The following ATXN1 variants were observed in gnomAD, a reference collection of about 807,000 sequenced individuals.
ATXN1 encodes the protein ataxin-1.
Under a neutral mutation model 56.4 loss-of-function variants are expected in ATXN1, and 8 were observed. The ratio of observed to expected loss-of-function variants is 0.14; its 90% CI spans 0.08 to 0.26. The LOEUF is 0.26. ATXN1 is among the 10% of genes least tolerant of loss of function. The pLI is 1.00. For missense variants in ATXN1, 987 were observed against 1,106.5 expected (o/e 0.89, Z 1.53); for synonymous variants, 514 against 494.6 (o/e 1.04, Z -0.52).
intron 6 of ATXN1, among the ~76,000 whole-genome samples, chr6:16,421,340 AG>A (rs1759027683): frequency 6.9e-6 from 1 of 145,268 alleles, no homozygotes; most frequent in Non-Finnish European, 1.5e-5. Context: ...GAAAGGACAC[AG>A]GAAAAAAAAA....
intron 4 of ATXN1, among the ~76,000 whole-genome samples, chr6:16,540,936 A>C (rs374237741): frequency 1.6e-4 from 25 of 152,298 alleles, no homozygotes; most frequent in African/African-American, 5.1e-4. Context: ...ATATGACTAA[A>C]CTTGTTTTGA....
chr6:16,655,486 A>C (rs1758179285), intron 3 of ATXN1, among the ~76,000 whole-genome samples: 1 of 147,674 alleles, frequency 6.8e-6, no homozygotes, highest in Non-Finnish European at 1.5e-5. Context: ...CTAACAGAAC[A>C]ACACATAGCA....
chr6:16,541,678 C>T (rs1257569499), intron 4 of ATXN1, among the ~76,000 whole-genome samples: 1 of 152,190 alleles, frequency 6.6e-6, no homozygotes, highest in African/African-American at 2.4e-5. Flanking sequence ...CACAGTGCCG[C>T]ACTTGGACCT....
chr6:16,451,279 C>T (rs1311431168), intron 6 of ATXN1, among the ~76,000 whole-genome samples: 1 of 152,196 alleles, frequency 6.6e-6, no homozygotes, highest in African/African-American at 2.4e-5. Flanking sequence ...ACAAGCCTGG[C>T]CAACACAGTG....
intron 2 of ATXN1, among the ~76,000 whole-genome samples, chr6:16,665,658 A>G (rs1758409011): frequency 6.6e-6 from 1 of 152,102 alleles, no homozygotes; most frequent in Non-Finnish European, 1.5e-5. Flanking sequence ...TCTGGCCTCA[A>G]TTTCCATAAT....
intron 2 of ATXN1, among the ~76,000 whole-genome samples, chr6:16,675,668 G>T (rs1397987299): frequency 6.6e-6 from 1 of 151,958 alleles, no homozygotes; most frequent in Non-Finnish European, 1.5e-5. Flanking sequence ...ATCATTTGAG[G>T]TCAGGAGTTC....
chr6:16,418,146 G>T (rs773342360), intron 6 of ATXN1, among the ~76,000 whole-genome samples: 2 of 152,162 alleles, frequency 1.3e-5, no homozygotes, highest in South Asian at 4.1e-4. Context: ...CACATAATAG[G>T]TGCTTAAAAT....
intron 6 of ATXN1, among the ~76,000 whole-genome samples, chr6:16,359,080 C>T (rs531221022): frequency 6.6e-6 from 1 of 152,340 alleles, no homozygotes; most frequent in East Asian, 1.9e-4. Context: ...GTGTCTGCGC[C>T]CACTGCCTGG....
chr6:16,317,230 A>G (rs1760533088), intron 7 of ATXN1, among the ~76,000 whole-genome samples: 1 of 152,198 alleles, frequency 6.6e-6, no homozygotes, highest in African/African-American at 2.4e-5. Context: ...AACGCCAGAC[A>G]GCTCAATATA....
chr6:16,474,290 A>G (rs1329182955), intron 6 of ATXN1, among the ~76,000 whole-genome samples: 1 of 152,252 alleles, frequency 6.6e-6, no homozygotes, highest in African/African-American at 2.4e-5. Flanking sequence ...GAGCTTGAAA[A>G]GCACTCATGC....
At chr6:16,668,182 GT>G (rs1456842454) in intron 2 of ATXN1, among the ~76,000 whole-genome samples, 39 of 152,028 alleles carry the variant, frequency 2.6e-4, no homozygotes, top group Admixed American at 2.0e-3. Context: ...TGTTTTTTTT[GT>G]TTTTGTTTTC....
intron 2 of ATXN1, among the ~76,000 whole-genome samples, chr6:16,662,267 C>G (rs1758334706): frequency 6.6e-6 from 1 of 152,172 alleles, no homozygotes; most frequent in Non-Finnish European, 1.5e-5. Context: ...TTTGACTTTC[C>G]ACTGTAGAAT....
At chr6:16,500,309 A>G (rs960371791) in intron 5 of ATXN1, among the ~76,000 whole-genome samples, 12 of 152,226 alleles carry the variant, frequency 7.9e-5, no homozygotes, top group Admixed American at 3.9e-4. Flanking sequence ...TAGATCACAG[A>G]ACTTGGAAGT....
Position 16,428,962 on chromosome 6 carries a change from G to A in ATXN1, c.-161+57010C>T, listed in dbSNP as rs112885511. ...TGGGTCAGATGGAGGGAAATATGGCGATGAACACGCACAGAACATTAGAAT... is the reference window on the plus strand; with the variant it reads ...TGGGTCAGATGGAGGGAAATATGGCAATGAACACGCACAGAACATTAGAAT... On this transcript the variant is annotated intron_variant, in intron 6 of 7. Transcript: ENST00000436367. Among the ~76,000 whole-genome samples the A allele has an allele frequency of 7.2e-3, 1,095 of 152,036 alleles. 9 individuals carry two copies. Among genetic ancestry groups the A allele is most frequent in the African/African-American group, 0.025 (1,026 of 41,440 alleles).
chr6:16,731,171 A>G (rs539124314), intron 2 of ATXN1, among the ~76,000 whole-genome samples: 109 of 152,248 alleles, frequency 7.2e-4, no homozygotes, highest in African/African-American at 2.5e-3. Context: ...CTTTAAGTGC[A>G]ACTGAATCAC....
intron 4 of ATXN1, among the ~76,000 whole-genome samples, chr6:16,551,661 G>A (rs1034602273): frequency 6.6e-6 from 1 of 152,164 alleles, no homozygotes; most frequent in Non-Finnish European, 1.5e-5. Context: ...TATGTCTACT[G>A]CTTCTAAGTG....
At chr6:16,625,721 T>C (rs1176487724) in intron 3 of ATXN1, among the ~76,000 whole-genome samples, 3 of 152,024 alleles carry the variant, frequency 2.0e-5, no homozygotes, top group Middle Eastern at 3.2e-3. Context: ...GTCATCAGAA[T>C]GCTACTAGAT....
At chr6:16,315,143 G>A (rs1760480992) in intron 7 of ATXN1, among the ~76,000 whole-genome samples, 1 of 152,048 alleles carries the variant, frequency 6.6e-6, no homozygotes, top group African/African-American at 2.4e-5. Flanking sequence ...TGTCGAATGG[G>A]CAACTCAAAC....
At chr6:16,407,730 G>GT (rs1758714246) in intron 6 of ATXN1, among the ~76,000 whole-genome samples, 1 of 152,156 alleles carries the variant, frequency 6.6e-6, no homozygotes, top group African/African-American at 2.4e-5. Flanking sequence ...CCATTGGAGG[G>GT]TCTGAGCTGC....
Sources: gnomAD v4.1 joint callset for allele counts (sites outside exome capture counted in the v4.1 genomes callset) on GRCh38, gnomAD v4.1.1 for gene constraint, MANE v1.5 for transcripts, NCBI Gene and HGNC (gene_info 2026-07-23, HGNC 2026-07-21) for gene names.